Variants in CDC40 observed in about 807,000 individuals in gnomAD.
CDC40 encodes cell division cycle 40, also known as pre-mRNA-processing factor 17.
Under a neutral mutation model 80.6 loss-of-function variants are expected in CDC40, and 27 were observed. The ratio of observed to expected loss-of-function variants is 0.33; its 90% confidence interval spans 0.25 to 0.46. The LOEUF is 0.46. Ranked by LOEUF, CDC40 falls within the 20% of genes least tolerant of loss-of-function variation. The probability of loss-of-function intolerance (pLI) is 1.00; values close to 1 mark genes in which losing one functional copy is unlikely to be tolerated. For missense variants in CDC40, 486 were observed against 694.1 expected (o/e 0.70, Z 3.37); for synonymous variants, 221 against 232.6 (o/e 0.95, Z 0.45).
At chr6:110,217,599 G>T in intron 9 of CDC40, 103 bp from the exon 10 acceptor site, 1 of 686,750 alleles carries the variant, frequency 1.5e-6, no homozygotes, top group Non-Finnish European at 2.7e-6. Context: ...TCACAGCTGA[G>T]AACCACTGCT....
chr6:110,207,724 C>A, intron 4 of CDC40, 135 bp downstream of exon 4: 1 of 567,978 alleles, frequency 1.8e-6, no homozygotes. Context: ...TGGAGCGATA[C>A]AGTTTAGAGC....
intron 6 of CDC40, 60 bp from the exon 7 acceptor site, chr6:110,212,073 T>C (rs551858962): frequency 7.1e-7 from 1 of 1,406,080 alleles, no homozygotes; most frequent in African/African-American, 1.4e-5. Flanking sequence ...TTTAAGAATG[T>C]TAGGTTTCAT....
chr6:110,213,648 A>G (rs1270012583), intron 8 of CDC40, among the ~76,000 whole-genome samples: 1 of 152,300 alleles, frequency 6.6e-6, no homozygotes, highest in Non-Finnish European at 1.5e-5. Flanking sequence ...GAGATTTTGT[A>G]TATGTAATAG....
intron 12 of CDC40, 58 bp from the exon 13 acceptor site, chr6:110,226,109 A>T: frequency 1.2e-6 from 1 of 847,378 alleles, no homozygotes. Context: ...TTCCAGAGAT[A>T]ATTCTGAAGG....
rs1471517839 is a variant in CDC40 at position 110,230,703 on chromosome 6, A to G, written c.*572A>G. 1.3e-5 allele frequency: 2 copies of G among 151,910 alleles called. No homozygotes were observed. The highest frequency in any genetic ancestry group is 6.6e-5 in the Admixed American group (1 of 15,120). The allele number at this position is 151,910 out of a possible 1,614,324, so 9.4% of individuals were successfully genotyped here. A position where few individuals can be genotyped will look rare whatever the true frequency, so the allele number is the denominator to read the frequency against. Reference sequence around the variant, plus strand: ...TAAAGCAGTAATCTTTAACTGTAGCATTCCTCTAATTATAAACAGTGAAAA... The same window carrying G: ...TAAAGCAGTAATCTTTAACTGTAGCGTTCCTCTAATTATAAACAGTGAAAA... On this transcript the variant is annotated 3_prime_UTR_variant, in exon 15 of 15. Transcript: ENST00000307731.
At chr6:110,181,719 G>C (rs966273714) in intron 1 of CDC40, among the ~76,000 whole-genome samples, 1 of 151,940 alleles carries the variant, frequency 6.6e-6, no homozygotes, top group Admixed American at 6.5e-5. Flanking sequence ...TTTTGTCTTC[G>C]TCTCATTTTC....
chr6:110,229,954 T>A lies in CDC40; in HGVS notation c.1563T>A (p.Ser521Arg). Residue 521 changes from serine to arginine, a missense_variant and splice_region_variant, in exon 15 of 15, where the codon AGT (serine) becomes AGA (arginine). Transcript: ENST00000307731. ...GAATTTATCTTTCTTCCCATTATAG[T>A]TATGTGATTTCAGGAGATGGAAATG... ...ACQVDFSPDMSYVISGDGNGK... is the reference protein window; with the variant it reads ...ACQVDFSPDMRYVISGDGNGK... The A allele has an allele frequency of 6.3e-7, 1 of 1,589,116 alleles. No individual in the cohort carries two copies. The highest frequency in any genetic ancestry group is 8.6e-7 in the Non-Finnish European group (1 of 1,158,332).
At chr6:110,213,380 GTTTTTTGT>G (rs1429567526) in intron 8 of CDC40, among the ~76,000 whole-genome samples, 2 of 149,784 alleles carry the variant, frequency 1.3e-5, no homozygotes, top group African/African-American at 2.5e-5. Flanking sequence ...TGTTGTTTTT[GTTTTTTGT>G]TTTTTTGTTT....
chr6:110,196,478 T>C (rs1777420642), intron 2 of CDC40, among the ~76,000 whole-genome samples: 1 of 152,134 alleles, frequency 6.6e-6, no homozygotes, highest in Non-Finnish European at 1.5e-5. Context: ...TAAATCTGCT[T>C]AGACAAAAAT....
chr6:110,206,528 G>A (rs1777565093), intron 3 of CDC40, among the ~76,000 whole-genome samples: 1 of 152,214 alleles, frequency 6.6e-6, no homozygotes, highest in African/African-American at 2.4e-5. Flanking sequence ...AAATTCCCAT[G>A]GACCACTGAA....
intron 12 of CDC40, chr6:110,224,544 A>C (rs1777826692): frequency 6.6e-6 from 1 of 151,884 alleles, no homozygotes; most frequent in South Asian, 2.1e-4. Context: ...ATGTGCCACC[A>C]CACCCGGCTA....
intron 12 of CDC40, among the ~76,000 whole-genome samples, chr6:110,220,415 C>A (rs1395140366): frequency 6.6e-6 from 1 of 151,466 alleles, no homozygotes; most frequent in African/African-American, 2.4e-5. Context: ...TAGGGAGGCC[C>A]CACAATCATT....
In CDC40 at chr6:110,180,651, TAATGCAGTGTGGG is replaced by T; in HGVS notation, c.189+22_189+34del. Reference sequence around the variant, plus strand: ...CAGTTAAGGTAAGCACTTTTGCTACTAATGCAGTGTGGGAATTGTTGGCTTCAGCTCCAGAACT... The same window carrying T: ...CAGTTAAGGTAAGCACTTTTGCTACTAATTGTTGGCTTCAGCTCCAGAACT... On this transcript the variant is annotated intron_variant, in intron 1 of 14. Transcript: ENST00000307731. 1 of 1,584,802 alleles carries T rather than the reference TAATGCAGTGTGGG, an allele frequency of 6.3e-7. No homozygotes were observed.
At chr6:110,191,879 G>A (rs946315373) in intron 1 of CDC40, among the ~76,000 whole-genome samples, 6 of 152,172 alleles carry the variant, frequency 3.9e-5, no homozygotes, top group South Asian at 2.1e-4. Flanking sequence ...AATATAATTT[G>A]TAGATGATAT....
At chr6:110,229,738 A>AAAT (rs1327636695) in intron 14 of CDC40, among the ~76,000 whole-genome samples, 1 of 152,078 alleles carries the variant, frequency 6.6e-6, no homozygotes, top group Non-Finnish European at 1.5e-5. Context: ...TCCCAGTTAA[A>AAAT]AATAATTTTC....
Position 110,209,171 on chromosome 6 carries a change from T to G in CDC40, c.578T>G (p.Leu193Trp). Residue 193 changes from leucine (L) to tryptophan (W), a missense_variant, in exon 5 of 15, where the codon TTG (leucine) becomes TGG (tryptophan). Physicochemically the swap from Leu to Trp is moderately conservative, Grantham distance 61. Transcript: ENST00000307731. The stretch of plus-strand genomic sequence containing the variant: ...GATGCATCCAATATTGATGGTTTTT[T>G]GGGACCATGGGCAAAATATGTGGAT... ...ENDASNIDGFLGPWAKYVDEK... is the reference protein window; with the variant it reads ...ENDASNIDGFWGPWAKYVDEK... The G allele has an allele frequency of 6.2e-7, 1 of 1,612,106 alleles. No individual in the cohort carries two copies. Among genetic ancestry groups the G allele is most frequent in the Non-Finnish European group, 8.5e-7 (1 of 1,178,394 alleles).
intron 1 of CDC40, among the ~76,000 whole-genome samples, chr6:110,187,090 T>G (rs1018116833): frequency 1.3e-5 from 2 of 152,228 alleles, no homozygotes; most frequent in African/African-American, 4.8e-5. Context: ...ACCATTTTCC[T>G]GCCTCAGCCT....
chr6:110,204,369 T>G (rs1415180125), intron 3 of CDC40, among the ~76,000 whole-genome samples: 3 of 152,208 alleles, frequency 2.0e-5, no homozygotes, highest in African/African-American at 7.2e-5. Flanking sequence ...GATATAATTT[T>G]TAAAAGAATT....
chr6:110,204,308 G>A (rs979623354), intron 3 of CDC40, among the ~76,000 whole-genome samples: 4 of 152,036 alleles, frequency 2.6e-5, no homozygotes, highest in Admixed American at 6.6e-5. Context: ...CACCGTGCCC[G>A]CCCTTATTAA....
Sources: gnomAD v4.1 joint callset for allele counts (sites outside exome capture counted in the v4.1 genomes callset) on GRCh38, gnomAD v4.1.1 for gene constraint, MANE v1.5 for transcripts, NCBI Gene and HGNC (gene_info 2026-07-23, HGNC 2026-07-21) for gene names.